SH3PXD2A: variants seen among roughly 807,000 people sequenced by gnomAD.
The protein encoded by SH3PXD2A is SH3 and PX domain-containing protein 2A.
Under a neutral mutation model 115.2 loss-of-function variants are expected in SH3PXD2A, and 32 were observed. The ratio of observed to expected loss-of-function variants is 0.28; its 90% confidence interval spans 0.21 to 0.37. The LOEUF is 0.37. Among genes scored for constraint, SH3PXD2A ranks in the 10% least tolerant of loss-of-function variants. The pLI is 1.00. For synonymous variants in SH3PXD2A, 610 were observed against 629.1 expected, an observed-to-expected ratio of 0.97 and a Z score of 0.45; for missense variants, 1,328 against 1,498.7, an observed-to-expected ratio of 0.89 and a Z score of 1.88.
intron 5 of SH3PXD2A, among the ~76,000 whole-genome samples, chr10:103,713,590 G>A (rs1179296852): frequency 6.6e-6 from 1 of 152,180 alleles, no homozygotes; most frequent in Non-Finnish European, 1.5e-5. Context: ...CTTGAGTAGT[G>A]AGCTCTTGCT....
At chr10:103,618,608 G>A (rs1035335881) in intron 10 of SH3PXD2A, among the ~76,000 whole-genome samples, 15 of 152,232 alleles carry the variant, frequency 9.9e-5, no homozygotes, top group Non-Finnish European at 1.8e-4. Flanking sequence ...CCCAGGGGCT[G>A]AGACAGTGCC....
At chr10:103,761,994 A>G (rs1453892423) in intron 3 of SH3PXD2A, among the ~76,000 whole-genome samples, 1 of 148,072 alleles carries the variant, frequency 6.8e-6, no homozygotes, top group Non-Finnish European at 1.5e-5. Flanking sequence ...CTAGGCACAC[A>G]CTAGGAGCAA....
chr10:103,744,175 CAG>C (rs1478315079), intron 3 of SH3PXD2A, among the ~76,000 whole-genome samples: 4 of 140,612 alleles, frequency 2.8e-5, no homozygotes, highest in African/African-American at 8.0e-5. Flanking sequence ...TTTTTTGCGA[CAG>C]AGTTTCGCTC....
At chr10:103,658,316 G>A (rs2037240824) in intron 8 of SH3PXD2A, among the ~76,000 whole-genome samples, 1 of 152,214 alleles carries the variant, frequency 6.6e-6, no homozygotes, top group African/African-American at 2.4e-5. Flanking sequence ...CCAGGGAGGT[G>A]GGGATGGTGC....
chr10:103,814,499 A>G (rs1030413597), intron 1 of SH3PXD2A, among the ~76,000 whole-genome samples: 4 of 152,214 alleles, frequency 2.6e-5, no homozygotes, highest in Non-Finnish European at 4.4e-5. Flanking sequence ...TCTGTCCAAC[A>G]TCAGGAAGAA....
In SH3PXD2A at chr10:103,602,303, A is replaced by G. The variant is rs2036228940; in HGVS notation, c.2915T>C (p.Val972Ala). The change falls in exon 15 of 15, where the codon GTG becomes GCG. Residue 972 changes from valine to alanine, a missense_variant. Val to Ala is a moderately conservative substitution (Grantham distance 64). This residue lies in a region of SH3PXD2A where 574 missense variants were observed against 565.7 expected (regional missense o/e 1.01). Coordinates refer to ENST00000369774, the MANE Select transcript of SH3PXD2A (RefSeq NM_001394015.1). ...GTPAVKMRNG[V>A]RQVAVRPQSV... ...CTGGGGCCTGACCGCCACCTGCCGCACTCCGTTCCTCATCTTCACCGCTGG... is the reference window on the plus strand; with the variant it reads ...CTGGGGCCTGACCGCCACCTGCCGCGCTCCGTTCCTCATCTTCACCGCTGG... 3 of 1,613,348 alleles carry G rather than the reference A, an allele frequency of 1.9e-6. No individual in the cohort carries two copies. The highest frequency in any genetic ancestry group is 2.7e-5 in the African/African-American group (2 of 74,834).
chr10:103,841,846 C>T (rs751054574), intron 1 of SH3PXD2A, among the ~76,000 whole-genome samples: 2 of 152,122 alleles, frequency 1.3e-5, no homozygotes, highest in East Asian at 1.9e-4. Flanking sequence ...ACAGCAAGGC[C>T]GGGTGCAGTG....
intron 4 of SH3PXD2A, among the ~76,000 whole-genome samples, chr10:103,727,734 A>G (rs2038258707): frequency 1.3e-5 from 2 of 152,254 alleles, no homozygotes; most frequent in Non-Finnish European, 2.9e-5. Context: ...CGAGGGCCTC[A>G]GACAAAGAGG....
chr10:103,613,231 G>T, intron 11 of SH3PXD2A, 41 bp from the exon 12 acceptor site: 2 of 1,460,434 alleles, frequency 1.4e-6, no homozygotes, highest in South Asian at 2.7e-5. Context: ...AGAGCACTCT[G>T]ACCTCACAGC....
intron 5 of SH3PXD2A, among the ~76,000 whole-genome samples, chr10:103,700,150 G>A (rs1357906311): frequency 6.6e-6 from 1 of 152,242 alleles, no homozygotes; most frequent in African/African-American, 2.4e-5. Context: ...CACAGGACAA[G>A]TTTTACCATG....
rs532459483 is a variant in SH3PXD2A, at chr10:103,849,692, T to G, written c.72+5503A>C. 1.3e-4 allele frequency among the ~76,000 whole-genome samples: 20 copies of G among 152,372 alleles called. 1 individual carries two copies. The South Asian group carries it at 3.9e-3, about 30-fold the overall frequency. On this transcript the variant is annotated intron_variant, in intron 1 of 14. Transcript: ENST00000369774. ...GCACGCTGCTCTGGGAATCCGCCTC[T>G]GGAAGCCCTGATCACTCTATTGGGC...
intron 10 of SH3PXD2A, among the ~76,000 whole-genome samples, chr10:103,617,977 C>T (rs1025791397): frequency 2.0e-5 from 3 of 152,212 alleles, no homozygotes; most frequent in Non-Finnish European, 2.9e-5. Flanking sequence ...GACAAGGGTT[C>T]GATGGCCAAA....
intron 14 of SH3PXD2A, 118 bp downstream of exon 14, chr10:103,605,680 G>A (rs976901004): frequency 1.5e-6 from 2 of 1,295,590 alleles, no homozygotes; most frequent in South Asian, 1.3e-5. Flanking sequence ...GCTCATTTCT[G>A]TACCTTTCCT....
chr10:103,729,878 T>C (rs2038293647), intron 4 of SH3PXD2A, among the ~76,000 whole-genome samples: 1 of 152,106 alleles, frequency 6.6e-6, no homozygotes, highest in Non-Finnish European at 1.5e-5. Flanking sequence ...GACCATTTCA[T>C]GGGGGCCATG....
At chr10:103,674,388 T>A (rs867764406) in intron 6 of SH3PXD2A, among the ~76,000 whole-genome samples, 2 of 152,228 alleles carry the variant, frequency 1.3e-5, no homozygotes, top group Non-Finnish European at 2.9e-5. Context: ...GTTTGGCCTA[T>A]GTGATACTCA....
intron 1 of SH3PXD2A, among the ~76,000 whole-genome samples, chr10:103,807,917 T>A (rs1032061728): frequency 3.9e-5 from 6 of 152,214 alleles, no homozygotes; most frequent in Non-Finnish European, 1.5e-5. Flanking sequence ...CCGCTCTGGC[T>A]TCCTGGTGGA....
intron 1 of SH3PXD2A, among the ~76,000 whole-genome samples, chr10:103,839,643 A>ACGCAGCCCCTCCCCAGAGGCCG (rs2134315376): frequency 7.3e-6 from 1 of 136,442 alleles, no homozygotes; most frequent in Non-Finnish European, 1.6e-5. Context: ...CCCAGAGGCC[A>ACGCAGCCCCTCCCCAGAGGCCG]CGCAGCCCCT....
intron 1 of SH3PXD2A, among the ~76,000 whole-genome samples, chr10:103,806,176 A>C (rs373794396): frequency 5.3e-5 from 8 of 152,288 alleles, no homozygotes; most frequent in African/African-American, 1.9e-4. Context: ...AGGTTCTCCC[A>C]AACTTCGGGG....
At position 103,598,420 on chromosome 10, in the gene SH3PXD2A, C is replaced by T. The variant is rs1210767706; in HGVS notation, c.*3396G>A. On this transcript the variant is annotated 3_prime_UTR_variant, in exon 15 of 15. Coordinates refer to ENST00000369774, the MANE Select transcript of SH3PXD2A (RefSeq NM_001394015.1). ...GGGAGATGACATTTTTTTCCCCTTG[C>T]AATAAAAGAAAAAGGTCTTGAAACG... The T allele has an allele frequency of 6.6e-6, 1 of 152,418 alleles. No individual in the cohort carries two copies. Among genetic ancestry groups the T allele is most frequent in the Non-Finnish European group, 1.5e-5 (1 of 68,004 alleles). The allele number at this position is 152,418 out of a possible 1,614,324, so 9.4% of individuals were successfully genotyped here.
Sources: gnomAD v4.1 joint callset for allele counts (sites outside exome capture counted in the v4.1 genomes callset) on GRCh38, gnomAD v4.1.1 for gene constraint, gnomAD v4.1.1 regional missense constraint, MANE v1.5 for transcripts, NCBI Gene and HGNC (gene_info 2026-07-23, HGNC 2026-07-21) for gene names.